The following FGF14 variants were observed in gnomAD, a reference collection of about 807,000 sequenced individuals.
FGF14 encodes fibroblast growth factor homologous factor 4.
A neutral mutation model predicts 25.5 loss-of-function variants in FGF14; 5 were observed. The ratio of observed to expected loss-of-function variants is 0.20; its 90% CI spans 0.10 to 0.41. FGF14 has a LOEUF of 0.41. FGF14 is among the 10% of genes least tolerant of loss of function. FGF14 has a pLI of 1.00. For missense variants in FGF14, 222 were observed against 320.1 expected, an observed-to-expected ratio of 0.69 and a Z score of 2.34; for synonymous variants, 138 against 118.3, an observed-to-expected ratio of 1.17 and a Z score of -1.08.
At chr13:101,931,711 C>A (rs560128401) in intron 1 of FGF14, among the ~76,000 whole-genome samples, 1 of 152,250 alleles carries the variant, frequency 6.6e-6, no homozygotes, top group South Asian at 2.1e-4. Flanking sequence ...GACACTGATG[C>A]CCACGTGAAA....
intron 3 of FGF14, among the ~76,000 whole-genome samples, chr13:101,792,919 C>G (rs996213376): frequency 1.3e-5 from 2 of 151,886 alleles, no homozygotes; most frequent in South Asian, 4.2e-4. Flanking sequence ...ATATGAAGTA[C>G]AAAGCAATGT....
chr13:101,870,677 G>A (rs754813585), intron 2 of FGF14, among the ~76,000 whole-genome samples: 4 of 152,272 alleles, frequency 2.6e-5, no homozygotes, highest in Non-Finnish European at 5.9e-5. Flanking sequence ...TAAAATACAA[G>A]GTATTGGCCG....
chr13:101,961,151 A>G (rs994376242), intron 1 of FGF14, among the ~76,000 whole-genome samples: 1 of 152,120 alleles, frequency 6.6e-6, no homozygotes, highest in Non-Finnish European at 1.5e-5. Context: ...ATTCACTCTG[A>G]TGACAGTTTC....
intron 1 of FGF14, among the ~76,000 whole-genome samples, chr13:101,976,062 A>C: frequency 6.6e-6 from 1 of 152,170 alleles, no homozygotes; most frequent in Non-Finnish European, 1.5e-5. Context: ...AAAATGTTTC[A>C]TTTATTAAAT....
chr13:101,944,380 T>C (rs1308369275), intron 1 of FGF14, among the ~76,000 whole-genome samples: 2 of 152,148 alleles, frequency 1.3e-5, no homozygotes, highest in African/African-American at 2.4e-5. Context: ...GTCAATCTTG[T>C]ATGCAAACTC....
intron 1 of FGF14, among the ~76,000 whole-genome samples, chr13:101,952,176 T>A (rs1026744852): frequency 6.6e-6 from 1 of 152,190 alleles, no homozygotes; most frequent in African/African-American, 2.4e-5. Context: ...TAGATAAGAA[T>A]ATGAAGGATA....
intron 1 of FGF14, among the ~76,000 whole-genome samples, chr13:101,924,805 A>ATT (rs1456424695): frequency 1.3e-5 from 2 of 152,210 alleles, no homozygotes; most frequent in Non-Finnish European, 2.9e-5. Flanking sequence ...TCTTAAGCAC[A>ATT]TGCCTTTTCT....
At chr13:101,941,861 T>C (rs1404135177) in intron 1 of FGF14, among the ~76,000 whole-genome samples, 1 of 152,200 alleles carries the variant, frequency 6.6e-6, no homozygotes, top group Non-Finnish European at 1.5e-5. Flanking sequence ...GTAATTGTTT[T>C]AAATGATGAC....
Position 101,916,538 on chromosome 13 carries a change from G to T in FGF14, c.108C>A (p.Asn36Lys). 1 of 1,613,682 alleles carries T rather than the reference G, an allele frequency of 6.2e-7. No individual in the cohort carries two copies. The highest frequency in any genetic ancestry group is 8.5e-7 in the Non-Finnish European group (1 of 1,179,932). Residue 36 changes from asparagine (N) to lysine (K), a missense_variant, in exon 1 of 5, where the codon AAC becomes AAA. Coordinates refer to ENST00000376143, the MANE Select transcript of FGF14 (RefSeq NM_004115.4). ...CCAGGTTGCCGTTGCAGAGCCCGCG[G>T]TTCTTGCTGGGGCTGCTCCGCCTCC... is the stretch of plus-strand genomic sequence containing the variant. ...ASRRRSSPSKNRGLCNGNLVD... is the reference protein window; with the variant it reads ...ASRRRSSPSKKRGLCNGNLVD...
In FGF14 at chr13:102,205,984, T is replaced by TAAAAAAAAAAA. The variant is rs36108366; in HGVS notation, c.208+195476_208+195486dup. On this transcript the variant is annotated intron_variant, in intron 1 of 4. Transcript: ENST00000376131. ...AGGTAGCTCAAGAAGCTCCCTGTGG[T>TAAAAAAAAAAA]AAAAAAAAAAAAAAAAAAAAAAAAA... is the stretch of plus-strand genomic sequence containing the variant. 1.3e-4 allele frequency among the ~76,000 whole-genome samples: 6 copies of TAAAAAAAAAAA among 47,462 alleles called. 1 individual carries two copies. The highest frequency in any genetic ancestry group is 9.4e-4 in the East Asian group (1 of 1,060). 31.1% of individuals were successfully genotyped at this position (47,462 alleles called of 152,430 possible). A position where few individuals can be genotyped will look rare whatever the true frequency, so the allele number is the denominator to read the frequency against.
At chr13:101,933,917 T>C (rs1239824937) in intron 1 of FGF14, among the ~76,000 whole-genome samples, 2 of 152,186 alleles carry the variant, frequency 1.3e-5, no homozygotes, top group Non-Finnish European at 2.9e-5. Flanking sequence ...TTTATATATG[T>C]ATACACACAT....
At chr13:101,893,920 G>A (rs1010154600) in intron 1 of FGF14, among the ~76,000 whole-genome samples, 1 of 152,110 alleles carries the variant, frequency 6.6e-6, no homozygotes, top group Admixed American at 6.6e-5. Flanking sequence ...CTCATGGGGA[G>A]GGTCTGTGTT....
chr13:102,105,421 A>G (rs909438000), intron 1 of FGF14, among the ~76,000 whole-genome samples: 2 of 152,122 alleles, frequency 1.3e-5, no homozygotes, highest in African/African-American at 4.8e-5. Flanking sequence ...ACACTGACCT[A>G]TTTTATTCCA....
intron 1 of FGF14, among the ~76,000 whole-genome samples, chr13:102,042,362 T>G (rs1236994766): frequency 6.6e-6 from 1 of 152,236 alleles, no homozygotes; most frequent in Non-Finnish European, 1.5e-5. Context: ...TCTGAGACAC[T>G]GCAGTCTAGC....
rs115456807 is a variant in FGF14 at position 102,224,795 on chromosome 13, A to G, written c.208+176676T>C. Among the ~76,000 whole-genome samples, 768 of 152,324 alleles carry G rather than the reference A, an allele frequency of 5.0e-3. 5 individuals are homozygous for G. Among genetic ancestry groups the G allele is most frequent in the African/African-American group, 0.017 (708 of 41,576 alleles). Reference sequence around the variant, plus strand: ...TTTAGTTTTATCCCTTTGAGCAAATACCTTGATGAACAATAATCATGGCTG... The same window carrying G: ...TTTAGTTTTATCCCTTTGAGCAAATGCCTTGATGAACAATAATCATGGCTG... On this transcript the variant is annotated intron_variant, in intron 1 of 4. Transcript: ENST00000376131.
chr13:102,225,611 GATA>G (rs1191249913), intron 1 of FGF14, among the ~76,000 whole-genome samples: 1 of 152,044 alleles, frequency 6.6e-6, no homozygotes, highest in Non-Finnish European at 1.5e-5. Context: ...ACCTCTAACT[GATA>G]ATATTAGGTC....
intron 1 of FGF14, chr13:102,002,007 A>C (rs1459577067): frequency 6.6e-6 from 1 of 152,166 alleles, no homozygotes; most frequent in East Asian, 1.9e-4. Flanking sequence ...GGATGATCCA[A>C]TTTCATGATT....
At chr13:102,117,654 C>T (rs1275352080) in intron 1 of FGF14, among the ~76,000 whole-genome samples, 2 of 152,140 alleles carry the variant, frequency 1.3e-5, no homozygotes, top group Non-Finnish European at 2.9e-5. Context: ...GCACACCCAT[C>T]CACTATGCAG....
chr13:101,869,239 C>T (rs1450913791), intron 2 of FGF14, among the ~76,000 whole-genome samples: 1 of 152,166 alleles, frequency 6.6e-6, no homozygotes, highest in Non-Finnish European at 1.5e-5. Flanking sequence ...TTTGTCATTG[C>T]AATGAGGTCA....
Sources: gnomAD v4.1 joint callset for allele counts (sites outside exome capture counted in the v4.1 genomes callset) on GRCh38, gnomAD v4.1.1 for gene constraint, MANE v1.5 for transcripts, NCBI Gene and HGNC (gene_info 2026-07-23, HGNC 2026-07-21) for gene names.